The following PHIP variants were observed in gnomAD, a reference collection of about 807,000 sequenced individuals.
PHIP encodes the protein PHIP subunit of CUL4-Ring ligase complex, also known as PH-interacting protein.
A neutral mutation model predicts 236.8 loss-of-function variants in PHIP; 54 were observed. That is an observed-to-expected ratio of 0.23 (90% CI 0.18 to 0.29). The LOEUF is 0.29. PHIP is among the 10% of genes least tolerant of loss of function. The pLI, the probability that PHIP is intolerant of heterozygous loss-of-function variation, is 1.00. For missense variants in PHIP, 1,370 were observed against 2,190.8 expected, an observed-to-expected ratio of 0.63 and a Z score of 7.48; for synonymous variants, 756 against 718.9, an observed-to-expected ratio of 1.05 and a Z score of -0.83.
chr6:79,042,827 T>G lies in PHIP; in HGVS notation c.600+16A>C, dbSNP rs180858884. 1.2e-3 allele frequency: 1,817 copies of G among 1,555,662 alleles called. 3 individuals are homozygous for G. The highest frequency in any genetic ancestry group is 1.4e-3 in the Non-Finnish European group (1,550 of 1,143,500). ...TTACATATATGAATATAAATAATAC[T>G]TTAGCAATTACTTACAGTAAATATC... On this transcript the variant is annotated intron_variant, in intron 7 of 39. Transcript: ENST00000275034.
intron 19 of PHIP, among the ~76,000 whole-genome samples, chr6:78,993,079 C>A (rs9359360): frequency 6.6e-6 from 1 of 152,022 alleles, no homozygotes; most frequent in Non-Finnish European, 1.5e-5. Flanking sequence ...ATAGTTTTTG[C>A]GGTCTGGATA....
At chr6:79,052,531 A>G (rs1341139011) in intron 6 of PHIP, among the ~76,000 whole-genome samples, 1 of 152,230 alleles carries the variant, frequency 6.6e-6, no homozygotes, top group Non-Finnish European at 1.5e-5. Context: ...TAATATACAT[A>G]GTAAGATTTA....
At position 78,938,406 on chromosome 6, in the gene PHIP, C is replaced by G. The variant is rs1041050986; in HGVS notation, c.*2287G>C. ...ATTCCACTCTAAGACTGTGTACGCT[C>G]TTCCTTTTTCTGTACACAACTTAAA... On this transcript the variant is annotated 3_prime_UTR_variant, in exon 40 of 40. Transcript: ENST00000275034. 6.6e-6 allele frequency: 1 copy of G among 151,658 alleles called. No individual in the cohort carries two copies. The highest frequency in any genetic ancestry group is 1.5e-5 in the Non-Finnish European group (1 of 67,600). The allele number at this position is 151,658 out of a possible 1,614,324, so 9.4% of individuals were successfully genotyped here. A position where few individuals can be genotyped will look rare whatever the true frequency, so the allele number is the denominator to read the frequency against.
chr6:79,078,069 G>A lies in PHIP; in HGVS notation c.-1C>T. On this transcript the variant is annotated 5_prime_UTR_variant, in exon 1 of 40. Coordinates refer to ENST00000275034, the MANE Select transcript of PHIP (RefSeq NM_017934.7). ...AGAGGCCTTTCCTCTCACAAGACATGTTTATGGGTCACTTCAGGGCCGCCG... is the reference window on the plus strand; with the variant it reads ...AGAGGCCTTTCCTCTCACAAGACATATTTATGGGTCACTTCAGGGCCGCCG... 1 of 1,609,228 alleles carries A rather than the reference G, an allele frequency of 6.2e-7. No homozygotes were observed. Among genetic ancestry groups the A allele is most frequent in the Non-Finnish European group, 8.5e-7 (1 of 1,179,342 alleles).
chr6:79,059,837 T>C (rs1773277249), intron 6 of PHIP, among the ~76,000 whole-genome samples: 1 of 151,720 alleles, frequency 6.6e-6, no homozygotes, highest in Non-Finnish European at 1.5e-5. Flanking sequence ...TATTAAAATA[T>C]CTTAACCTCT....
chr6:78,979,485 T>A (rs187932503), intron 23 of PHIP, among the ~76,000 whole-genome samples: 4 of 151,790 alleles, frequency 2.6e-5, no homozygotes, highest in African/African-American at 9.7e-5. Context: ...CTCATAGGAG[T>A]TGAGTAGTGC....
At position 79,077,374 on chromosome 6, in the gene PHIP, A is replaced by T. The variant is rs183216107; in HGVS notation, c.189+74T>A. 1.5e-4 allele frequency: 207 copies of T among 1,374,572 alleles called. No individual in the cohort carries two copies. The African/African-American group carries it at 2.3e-3, about 15-fold the overall frequency. 85.1% of individuals were successfully genotyped at this position (1,374,572 alleles called of 1,614,324 possible). On this transcript the variant is annotated intron_variant, in intron 4 of 39. Transcript: ENST00000275034. Reference sequence around the variant, plus strand: ...TCTAGGGCCAAGTTTTTGTCTCTGTAAAAAATTGCGGGAAATTCAATTTTT... The same window carrying T: ...TCTAGGGCCAAGTTTTTGTCTCTGTTAAAAATTGCGGGAAATTCAATTTTT...
chr6:79,011,219 T>G (rs955168953), intron 15 of PHIP, among the ~76,000 whole-genome samples: 1 of 151,932 alleles, frequency 6.6e-6, no homozygotes, highest in Non-Finnish European at 1.5e-5. Flanking sequence ...CTTGCTTCAG[T>G]AAAATATCCA....
At position 78,963,203 on chromosome 6, in the gene PHIP, C is replaced by A; in HGVS notation, c.3429G>T (p.Glu1143Asp). ...LGTSVPLTDG[E>D]CRSLIYKPLD... The stretch of plus-strand genomic sequence containing the variant: ...GAGGTTTATAGATTAGTGATCTGCA[C>A]TCACCATCAGTTAAAGGAACACTGG... The change falls in exon 30 of 40, where the codon GAG (glutamate) becomes GAT (aspartate). Residue 1143 changes from glutamate (E) to aspartate (D), a missense_variant. This residue lies in a region of PHIP where 238 missense variants were observed against 398.5 expected (regional missense o/e 0.60). Coordinates refer to ENST00000275034, the MANE Select transcript of PHIP (RefSeq NM_017934.7). 1 of 1,609,730 alleles carries A rather than the reference C, an allele frequency of 6.2e-7. No individual in the cohort carries two copies. Among genetic ancestry groups the A allele is most frequent in the Non-Finnish European group, 8.5e-7 (1 of 1,177,936 alleles).
chr6:78,964,751 A>G lies in PHIP; in HGVS notation c.3379+952T>C, dbSNP rs372267143. On this transcript the variant is annotated intron_variant, in intron 29 of 39. Transcript: ENST00000275034. ...CGTGATCCACCTGCCTCAGCCTCTC[A>G]AAGTGCTGGGATTACAGGTGTGAGC... 3.7e-4 allele frequency among the ~76,000 whole-genome samples: 56 copies of G among 152,292 alleles called. No individual in the cohort carries two copies. In the East Asian group the frequency reaches 7.7e-3, roughly 21 times the overall value.
chr6:78,972,123 T>A lies in PHIP; in HGVS notation c.2890-1235A>T, dbSNP rs1333307517. Among the ~76,000 whole-genome samples the A allele has an allele frequency of 2.0e-5, 3 of 152,190 alleles. No homozygotes were observed. In the East Asian group the frequency reaches 5.8e-4, roughly 29 times the overall value. ...GCAGTAACCTCTGCAGACTTAAATG[T>A]CCCTGTCTGACAGCTTTGAAGAGAG... On this transcript the variant is annotated intron_variant, in intron 24 of 39. Transcript: ENST00000275034.
intron 33 of PHIP, 136 bp downstream of exon 33, chr6:78,955,477 A>G (rs1179257959): frequency 7.3e-6 from 4 of 551,196 alleles, no homozygotes; most frequent in Non-Finnish European, 9.5e-6. Flanking sequence ...TTCTACTGCC[A>G]GTTGTTTTTT....
chr6:78,946,103 G>T lies in PHIP; in HGVS notation c.4528C>A (p.Arg1510=), dbSNP rs1773798418. ...SSSVVRTRSN[R]VVVDPVVTEQ... ...GTGACAACTGGATCTACAACCACTC[G>T]GTTGCTTCTGGTTCGAACCACAGAA... The change falls in exon 38 of 40, where the codon CGA becomes AGA. Residue 1510 remains arginine, a synonymous_variant. Transcript: ENST00000275034. 1 of 1,613,584 alleles carries T rather than the reference G, an allele frequency of 6.2e-7. No individual in the cohort carries two copies. The highest frequency in any genetic ancestry group is 1.7e-5 in the Admixed American group (1 of 59,978).
chr6:78,985,201 A>G (rs1291522301), intron 22 of PHIP, 151 bp downstream of exon 22: 8 of 604,190 alleles, frequency 1.3e-5, no homozygotes, highest in Admixed American at 3.1e-5. Flanking sequence ...TAGAGAACAT[A>G]TATCAGAAAA....
chr6:79,071,179 G>A (rs1003055657), intron 4 of PHIP, among the ~76,000 whole-genome samples: 1 of 152,164 alleles, frequency 6.6e-6, no homozygotes, highest in African/African-American at 2.4e-5. Flanking sequence ...GAGTGTGTAA[G>A]GTAAATAAAG....
intron 7 of PHIP, among the ~76,000 whole-genome samples, chr6:79,035,369 T>C (rs921832695): frequency 1.1e-4 from 16 of 152,124 alleles, no homozygotes; most frequent in Non-Finnish European, 1.5e-4. Flanking sequence ...CTCTGCTCAA[T>C]AACACAAGCA....
In PHIP at chr6:78,936,500, T is replaced by A. The variant is rs1462366874; in HGVS notation, c.*4193A>T. ...CATGTGTGCATCTGCCTTATATGCA[T>A]GTACTATATTCCATCTTGAACCTAT... On this transcript the variant is annotated 3_prime_UTR_variant, in exon 40 of 40. Coordinates refer to ENST00000275034, the MANE Select transcript of PHIP (RefSeq NM_017934.7). 6.6e-6 allele frequency: 1 copy of A among 151,892 alleles called. No homozygotes were observed. The highest frequency in any genetic ancestry group is 2.4e-5 in the African/African-American group (1 of 41,438). The allele number at this position is 151,892 out of a possible 1,614,324, so 9.4% of individuals were successfully genotyped here.
At chr6:78,955,166 T>C in intron 34 of PHIP, 66 bp downstream of exon 34, 2 of 1,141,412 alleles carry the variant, frequency 1.8e-6, no homozygotes, top group East Asian at 2.6e-5. Flanking sequence ...AGTAAAAAAA[T>C]AAAGAAAGCT....
At chr6:79,017,977 G>A (rs776123321) in intron 10 of PHIP, among the ~76,000 whole-genome samples, 4 of 151,800 alleles carry the variant, frequency 2.6e-5, no homozygotes, top group African/African-American at 9.7e-5. Context: ...AACTCCCTCA[G>A]TAACTTTTCT....
Sources: gnomAD v4.1 joint callset for allele counts (sites outside exome capture counted in the v4.1 genomes callset) on GRCh38, gnomAD v4.1.1 for gene constraint, gnomAD v4.1.1 regional missense constraint, MANE v1.5 for transcripts, NCBI Gene and HGNC (gene_info 2026-07-23, HGNC 2026-07-21) for gene names.